DLGAP1: variants seen among roughly 807,000 people sequenced by gnomAD.
DLGAP1 encodes DLG associated protein 1, also known as disks large-associated protein 1.
Under a neutral mutation model 90.8 loss-of-function variants are expected in DLGAP1, and 11 were observed. The observed-to-expected ratio is 0.12, with a 90% CI of 0.08 to 0.20. DLGAP1 has a LOEUF of 0.20. Ranked by LOEUF, DLGAP1 falls within the 10% of genes least tolerant of loss-of-function variation. DLGAP1 has a pLI of 1.00. For missense variants in DLGAP1, 1,050 were observed against 1,333.8 expected (o/e 0.79, Z 3.31); for synonymous variants, 558 against 540.7 (o/e 1.03, Z -0.44).
At chr18:4,409,170 T>C (rs1164315342) in intron 1 of DLGAP1, among the ~76,000 whole-genome samples, 2 of 152,094 alleles carry the variant, frequency 1.3e-5, no homozygotes. Flanking sequence ...TATTATAAAA[T>C]ATTAGGCAAG....
At chr18:3,765,189 G>A (rs144914238) in intron 5 of DLGAP1, among the ~76,000 whole-genome samples, 4,206 of 134,588 alleles carry the variant, frequency 0.031, 145 homozygotes, top group Middle Eastern at 0.09. Context: ...GTGCAGTGGC[G>A]CAGTCTCGGC....
At chr18:4,237,676 ACTC>A (rs1376517819) in intron 1 of DLGAP1, among the ~76,000 whole-genome samples, 6 of 150,916 alleles carry the variant, frequency 4.0e-5, no homozygotes, top group Admixed American at 3.3e-4. Context: ...GCCCTAAAAG[ACTC>A]CATTTATAAA....
intron 9 of DLGAP1, among the ~76,000 whole-genome samples, chr18:3,552,821 C>T (rs937009778): frequency 6.6e-6 from 1 of 152,200 alleles, no homozygotes; most frequent in Non-Finnish European, 1.5e-5. Context: ...CAATGCCACC[C>T]ATCCACATGC....
At chr18:3,984,906 C>T (rs2073811822) in intron 3 of DLGAP1, among the ~76,000 whole-genome samples, 2 of 152,158 alleles carry the variant, frequency 1.3e-5, no homozygotes. Flanking sequence ...TTGTCCCCTG[C>T]CTGTGTCCTC....
intron 1 of DLGAP1, among the ~76,000 whole-genome samples, chr18:4,275,747 T>A (rs879343688): frequency 6.6e-6 from 1 of 152,190 alleles, no homozygotes; most frequent in Non-Finnish European, 1.5e-5. Context: ...ATGTGTTCAC[T>A]GCTCTCATGG....
chr18:3,931,475 A>G (rs2072514112), intron 3 of DLGAP1, among the ~76,000 whole-genome samples: 1 of 152,150 alleles, frequency 6.6e-6, no homozygotes, highest in Non-Finnish European at 1.5e-5. Context: ...TTTGGCATGG[A>G]TTAGGGCATT....
chr18:4,239,520 T>C (rs1339889339), intron 1 of DLGAP1, among the ~76,000 whole-genome samples: 1 of 152,154 alleles, frequency 6.6e-6, no homozygotes, highest in Non-Finnish European at 1.5e-5. Flanking sequence ...AAGAAAACTA[T>C]AAAAATTGAT....
chr18:4,117,463 G>A (rs889221444), intron 2 of DLGAP1, among the ~76,000 whole-genome samples: 6 of 152,074 alleles, frequency 3.9e-5, no homozygotes, highest in Non-Finnish European at 7.3e-5. Flanking sequence ...ATTTATTTAC[G>A]CTTTGATGAC....
chr18:3,980,785 C>T (rs2073710913), intron 3 of DLGAP1, among the ~76,000 whole-genome samples: 1 of 152,132 alleles, frequency 6.6e-6, no homozygotes, highest in Non-Finnish European at 1.5e-5. Context: ...TGGTATACAA[C>T]ATGATGTTTT....
chr18:4,273,122 C>T (rs1191257821), intron 1 of DLGAP1, among the ~76,000 whole-genome samples: 1 of 152,190 alleles, frequency 6.6e-6, no homozygotes, highest in Admixed American at 6.5e-5. Context: ...TCTCCACACC[C>T]TATTTGTGGT....
intron 4 of DLGAP1, among the ~76,000 whole-genome samples, chr18:3,857,428 T>G (rs2069718585): frequency 6.6e-6 from 1 of 152,222 alleles, no homozygotes; most frequent in African/African-American, 2.4e-5. Context: ...TAGAGTATTA[T>G]TGAAAATAAT....
chr18:4,035,542 T>A (rs576549579), intron 2 of DLGAP1, among the ~76,000 whole-genome samples: 2 of 152,302 alleles, frequency 1.3e-5, no homozygotes, highest in South Asian at 4.1e-4. Flanking sequence ...GACACAAAAA[T>A]TGATTATTTA....
At chr18:4,403,438 A>G (rs554617090) in intron 1 of DLGAP1, among the ~76,000 whole-genome samples, 3 of 152,318 alleles carry the variant, frequency 2.0e-5, no homozygotes, top group Admixed American at 2.0e-4. Context: ...AATGTTATCT[A>G]TGTTTGAAAA....
chr18:4,258,169 T>G (rs2078933916), intron 1 of DLGAP1, among the ~76,000 whole-genome samples: 6 of 152,198 alleles, frequency 3.9e-5, no homozygotes, highest in Admixed American at 3.9e-4. Flanking sequence ...CCCTACTAGC[T>G]AAGACTACAG....
At chr18:3,640,974 G>T (rs1247070913) in intron 7 of DLGAP1, among the ~76,000 whole-genome samples, 1 of 152,154 alleles carries the variant, frequency 6.6e-6, no homozygotes, top group African/African-American at 2.4e-5. Context: ...CAGTCATATG[G>T]CTACTAAGCA....
chr18:4,057,004 TACACACACACACACACACACACACACAC>T (rs55887550), intron 2 of DLGAP1, among the ~76,000 whole-genome samples: 29 of 115,020 alleles, frequency 2.5e-4, no homozygotes, highest in Admixed American at 9.6e-4. Flanking sequence ...TGACCATACA[TACACACACACACACACACACACACACAC>T]ACACACACAC....
chr18:4,144,441 C>A (rs1227390716), intron 2 of DLGAP1, among the ~76,000 whole-genome samples: 1 of 152,194 alleles, frequency 6.6e-6, no homozygotes, highest in East Asian at 1.9e-4. Flanking sequence ...TCCCTCCCCC[C>A]AGGCACACCG....
At chr18:3,923,942 C>T (rs766683756) in intron 3 of DLGAP1, among the ~76,000 whole-genome samples, 9 of 152,186 alleles carry the variant, frequency 5.9e-5, no homozygotes, top group Non-Finnish European at 1.2e-4. Context: ...TATCTAATGA[C>T]GACTCACCAA....
chr18:4,260,849 T>C (rs537040709), intron 1 of DLGAP1, among the ~76,000 whole-genome samples: 2 of 152,158 alleles, frequency 1.3e-5, no homozygotes, highest in South Asian at 4.2e-4. Context: ...TACACATAGG[T>C]TAAACAAAAT....
Sources: allele counts gnomAD v4.1 joint callset (sites outside exome capture counted in the v4.1 genomes callset), GRCh38; gene constraint gnomAD v4.1.1; transcripts MANE v1.5; gene names NCBI Gene and HGNC (gene_info 2026-07-23, HGNC 2026-07-21).